SMARCC1: variants seen among roughly 807,000 people sequenced by gnomAD.
SMARCC1 encodes the protein SWI/SNF complex subunit SMARCC1.
SMARCC1 carries 43 observed loss-of-function variants against 147.4 expected under a neutral mutation model. The observed-to-expected ratio is 0.29, with a 90% confidence interval of 0.23 to 0.38. The LOEUF is 0.38. Ranked by LOEUF, SMARCC1 falls within the 10% of genes least tolerant of loss-of-function variation. The pLI is 1.00. For synonymous variants in SMARCC1, 495 were observed against 484.4 expected (o/e 1.02, Z -0.29); for missense variants, 1,119 against 1,381.1 (o/e 0.81, Z 3.01).
At chr3:47,759,246 C>T (rs1221776002) in intron 2 of SMARCC1, among the ~76,000 whole-genome samples, 1 of 151,340 alleles carries the variant, frequency 6.6e-6, no homozygotes, top group Non-Finnish European at 1.5e-5. Flanking sequence ...CTCCTGGACT[C>T]AAGTGATCCA....
intron 26 of SMARCC1, among the ~76,000 whole-genome samples, chr3:47,602,099 G>T (rs2032396752): frequency 6.6e-6 from 1 of 152,108 alleles, no homozygotes; most frequent in African/African-American, 2.4e-5. Context: ...TTCTCATGAG[G>T]TAGGGTTGTG....
chr3:47,778,196 A>C (rs2034998185), intron 1 of SMARCC1, among the ~76,000 whole-genome samples: 2 of 145,028 alleles, frequency 1.4e-5, no homozygotes, highest in East Asian at 2.0e-4. Flanking sequence ...ATCTCAAAAA[A>C]AAAAAACAAA....
chr3:47,778,212 A>AAAAAAAAAAAAAAAC (rs1553693293), intron 1 of SMARCC1, among the ~76,000 whole-genome samples: 27 of 121,326 alleles, frequency 2.2e-4, no homozygotes, highest in East Asian at 2.6e-4. Flanking sequence ...ACAAAAAACA[A>AAAAAAAAAAAAAAAC]AAAACAAAAA....
intron 20 of SMARCC1, among the ~76,000 whole-genome samples, 166 bp from the exon 21 acceptor site, chr3:47,661,621 C>CA (rs1251038210): frequency 5.3e-5 from 8 of 151,900 alleles, no homozygotes; most frequent in African/African-American, 1.9e-4. Flanking sequence ...CTAAATGAGA[C>CA]AAAAAATAGT....
At chr3:47,649,188 A>T (rs2033156625) in intron 21 of SMARCC1, among the ~76,000 whole-genome samples, 1 of 152,250 alleles carries the variant, frequency 6.6e-6, no homozygotes, top group African/African-American at 2.4e-5. Context: ...ATGATCAAAT[A>T]TGGTTCCACA....
chr3:47,715,098 G>A (rs1292935803), intron 7 of SMARCC1, among the ~76,000 whole-genome samples: 1 of 151,994 alleles, frequency 6.6e-6, no homozygotes, highest in Non-Finnish European at 1.5e-5. Context: ...AGTCCCAAAT[G>A]TCTTCAACCT....
intron 9 of SMARCC1, among the ~76,000 whole-genome samples, chr3:47,710,393 T>C (rs2034069805): frequency 6.6e-6 from 1 of 152,180 alleles, no homozygotes; most frequent in Non-Finnish European, 1.5e-5. Context: ...TCTGCTGTGA[T>C]ATTACACTTC....
At chr3:47,767,098 G>A (rs560169008) in intron 2 of SMARCC1, among the ~76,000 whole-genome samples, 42 of 141,850 alleles carry the variant, frequency 3.0e-4, no homozygotes, top group Middle Eastern at 3.9e-3. Context: ...CAGGAGAATC[G>A]CCTGAACCCA....
intron 24 of SMARCC1, among the ~76,000 whole-genome samples, chr3:47,623,858 C>T (rs368147084): frequency 4.7e-5 from 7 of 148,580 alleles, no homozygotes; most frequent in Non-Finnish European, 1.0e-4. Context: ...TAGAACTCAG[C>T]TGGTTTGAAA....
At chr3:47,631,405 A>G (rs770411075) in intron 24 of SMARCC1, among the ~76,000 whole-genome samples, 30 of 152,182 alleles carry the variant, frequency 2.0e-4, no homozygotes, top group Non-Finnish European at 3.5e-4. Context: ...TGAACCTACT[A>G]CTGCTGACAA....
At chr3:47,667,173 C>T (rs2033430791) in intron 19 of SMARCC1, among the ~76,000 whole-genome samples, 1 of 151,892 alleles carries the variant, frequency 6.6e-6, no homozygotes, top group Admixed American at 6.6e-5. Context: ...AAAAAATTAG[C>T]CGGGCATGGT....
In SMARCC1 at chr3:47,610,243, G is replaced by C. The variant is rs1488804876; in HGVS notation, c.2866C>G (p.Gln956Glu). Residue 956 changes from glutamine to glutamate, a missense_variant, in exon 26 of 28, where the codon CAG becomes GAG. This residue lies in a region of SMARCC1 where 186 missense variants were observed against 216.5 expected (regional missense o/e 0.86). Coordinates refer to ENST00000254480, the MANE Select transcript of SMARCC1 (RefSeq NM_003074.4). ...CCATGCTGCTGCTGTTCCATTTGCT[G>C]TCGTGCTCGTAATTCAGCATACTTC... ...QLKYAELRAR[Q>E]QMEQQQHGQN... 1 of 1,614,208 alleles carries C rather than the reference G, an allele frequency of 6.2e-7. No individual in the cohort carries two copies. Among genetic ancestry groups the C allele is most frequent in the Non-Finnish European group, 8.5e-7 (1 of 1,180,042 alleles).
chr3:47,663,992 A>G (rs2033386233), intron 19 of SMARCC1: 4 of 979,412 alleles, frequency 4.1e-6, no homozygotes, highest in Admixed American at 5.2e-5. Flanking sequence ...AGGAGCAAGC[A>G]CTGGCCCTAC....
intron 8 of SMARCC1, among the ~76,000 whole-genome samples, chr3:47,711,674 A>G (rs1016426625): frequency 5.3e-5 from 8 of 152,226 alleles, no homozygotes; most frequent in Admixed American, 3.3e-4. Context: ...GTAATTTGTC[A>G]ATCTAAACTC....
Position 47,585,901 on chromosome 3 carries a change from T to C in SMARCC1, c.*2308A>G, listed in dbSNP as rs926409327. ...AGAGAATGGGACTAGAATCCAGAAA[T>C]GGTGTTCCATTTATTCACTGAAAAA... is the stretch of plus-strand genomic sequence containing the variant. On this transcript the variant is annotated 3_prime_UTR_variant, in exon 28 of 28. Coordinates refer to ENST00000254480, the MANE Select transcript of SMARCC1 (RefSeq NM_003074.4). 8 of 152,724 alleles carry C rather than the reference T, an allele frequency of 5.2e-5. No individual in the cohort carries two copies. In the South Asian group the frequency reaches 1.7e-3, roughly 32 times the overall value. The allele number at this position is 152,724 out of a possible 1,614,324, so 9.5% of individuals were successfully genotyped here.
At chr3:47,588,710 C>T (rs1305408058) in intron 27 of SMARCC1, among the ~76,000 whole-genome samples, 2 of 111,698 alleles carry the variant, frequency 1.8e-5, no homozygotes, top group Non-Finnish European at 3.5e-5. Flanking sequence ...CCCGCCCCCC[C>T]CCCGCCCCCA....
At chr3:47,648,712 T>C (rs983861689) in intron 21 of SMARCC1, among the ~76,000 whole-genome samples, 2 of 152,104 alleles carry the variant, frequency 1.3e-5, no homozygotes, top group African/African-American at 4.8e-5. Flanking sequence ...ATAATTCTTA[T>C]AGCCCTTCCT....
At chr3:47,595,790 A>C (rs1324629483) in intron 26 of SMARCC1, among the ~76,000 whole-genome samples, 1 of 145,310 alleles carries the variant, frequency 6.9e-6, no homozygotes, top group African/African-American at 2.5e-5. Flanking sequence ...GCTGGAGTGC[A>C]GTGGGGCGAT....
intron 13 of SMARCC1, among the ~76,000 whole-genome samples, chr3:47,687,749 G>A (rs1013027332): frequency 2.6e-5 from 4 of 152,088 alleles, no homozygotes; most frequent in Admixed American, 2.6e-4. Flanking sequence ...GATTACAGAC[G>A]TAAGCCACTG....
Sources: gnomAD v4.1 joint callset for allele counts (sites outside exome capture counted in the v4.1 genomes callset) on GRCh38, gnomAD v4.1.1 for gene constraint, gnomAD v4.1.1 regional missense constraint, MANE v1.5 for transcripts, NCBI Gene and HGNC (gene_info 2026-07-23, HGNC 2026-07-21) for gene names.